Variants in P4HTM observed in about 807,000 individuals in gnomAD.
The protein encoded by P4HTM is prolyl 4-hydroxylase, transmembrane.
A neutral mutation model predicts 55.3 loss-of-function variants in P4HTM; 33 were observed. The observed-to-expected ratio is 0.60, with a 90% CI of 0.45 to 0.80. The LOEUF is 0.80. P4HTM is among the 30% of genes least tolerant of loss of function. The pLI, the probability that P4HTM is intolerant of heterozygous loss-of-function variation, is 0.00. For synonymous variants in P4HTM, 272 were observed against 286.4 expected (o/e 0.95, Z 0.51); for missense variants, 542 against 696.5 (o/e 0.78, Z 2.50).
Position 49,007,118 on chromosome 3 carries a change from C to A in P4HTM, c.*211C>A. 8.7e-6 allele frequency: 6 copies of A among 688,814 alleles called. No homozygotes were observed. Among genetic ancestry groups the A allele is most frequent in the Non-Finnish European group, 1.2e-5 (5 of 418,990 alleles). The allele number at this position is 688,814 out of a possible 1,614,324, so 42.7% of individuals were successfully genotyped here. A position where few individuals can be genotyped will look rare whatever the true frequency, so the allele number is the denominator to read the frequency against. ...AAATAAAAAACCACAAGGTTCGAGC[C>A]GCCGGGCCCGACAAACTCCGGGTCG... On this transcript the variant is annotated 3_prime_UTR_variant, in exon 9 of 9. Transcript: ENST00000383729. This position sits in a 1 kb window ranked among gnomAD's most constrained non-coding sequence, Gnocchi z 5.1.
chr3:49,004,192 G>T lies in P4HTM; in HGVS notation c.819G>T (p.Arg273=), dbSNP rs1559891570. 4 of 1,549,734 alleles carry T rather than the reference G, an allele frequency of 2.6e-6. No individual in the cohort carries two copies. Among genetic ancestry groups the T allele is most frequent in the Non-Finnish European group, 3.5e-6 (4 of 1,146,918 alleles). The change falls in exon 5 of 9, where the codon CGG becomes CGT. Residue 273 remains arginine, a synonymous_variant. Coordinates refer to ENST00000383729, the MANE Select transcript of P4HTM (RefSeq NM_177939.3). ...AGGCAGAGTCCAGTGAGCTGGTGCG[G>T]AACAGCCACCATACCTGGCTCTACC... ...SHKAESSELV[R]NSHHTWLYQG...
chr3:49,005,117 T>C (rs779120605), intron 6 of P4HTM, 71 bp downstream of exon 6: 10 of 1,613,104 alleles, frequency 6.2e-6, no homozygotes, highest in Non-Finnish European at 7.6e-6. Flanking sequence ...GGCACAGCCC[T>C]GCACTGTGGG....
rs1381649486 is a variant in P4HTM at position 49,006,751 on chromosome 3, G to A, written c.1353G>A (p.Lys451=). The change falls in exon 9 of 9, where the codon AAG becomes AAA. Residue 451 remains lysine (K), a synonymous_variant. Coordinates refer to ENST00000383729, the MANE Select transcript of P4HTM (RefSeq NM_177939.3). ...HGGCLVTRGT[K]WIANNWINVD... ...GCTGCCTGGTCACGCGCGGCACCAA[G>A]TGGATTGCCAACAACTGGATTAATG... 1 of 1,613,768 alleles carries A rather than the reference G, an allele frequency of 6.2e-7. No homozygotes were observed. The highest frequency in any genetic ancestry group is 1.1e-5 in the South Asian group (1 of 91,088).
chr3:49,001,860 C>T (rs1476169553), intron 3 of P4HTM, among the ~76,000 whole-genome samples: 1 of 152,242 alleles, frequency 6.6e-6, no homozygotes, highest in Non-Finnish European at 1.5e-5. Context: ...GCATTTATCA[C>T]CATAGTTTTG....
At position 49,007,127 on chromosome 3, in the gene P4HTM, C is replaced by T. The variant is rs1043965630; in HGVS notation, c.*220C>T. 7.2e-6 allele frequency: 5 copies of T among 698,418 alleles called. No individual in the cohort carries two copies. The highest frequency in any genetic ancestry group is 1.2e-5 in the Non-Finnish European group (5 of 427,824). 43.3% of individuals were successfully genotyped at this position (698,418 alleles called of 1,614,324 possible). A position where few individuals can be genotyped will look rare whatever the true frequency, so the allele number is the denominator to read the frequency against. On this transcript the variant is annotated 3_prime_UTR_variant, in exon 9 of 9. Transcript: ENST00000383729. The surrounding 1 kb of genome is among the most constrained non-coding windows in gnomAD (Gnocchi z 5.1). ...ACCACAAGGTTCGAGCCGCCGGGCC[C>T]GACAAACTCCGGGTCGGCGAAACAG...
At chr3:49,006,026 G>A (rs138246626) in intron 7 of P4HTM, 38 bp from the exon 8 acceptor site, 4 of 1,594,232 alleles carry the variant, frequency 2.5e-6, no homozygotes, top group Non-Finnish European at 3.4e-6. Flanking sequence ...CCATAGAGTG[G>A]GGACAGGTTG....
intron 2 of P4HTM, among the ~76,000 whole-genome samples, chr3:48,994,567 T>C (rs532485958): frequency 6.6e-6 from 1 of 152,298 alleles, no homozygotes; most frequent in South Asian, 2.1e-4. Flanking sequence ...CTTCCATGAC[T>C]GGTAGGTCAT....
chr3:49,004,168 G>A lies in P4HTM; in HGVS notation c.795G>A (p.Lys265=). Residue 265 remains lysine, a synonymous_variant, in exon 5 of 9, where the codon AAG becomes AAA. Coordinates refer to ENST00000383729, the MANE Select transcript of P4HTM (RefSeq NM_177939.3). ...TCCACAAGTACATGAGGAGCCACAA[G>A]GCAGAGTCCAGTGAGCTGGTGCGGA... is the stretch of plus-strand genomic sequence containing the variant. ...RDFHKYMRSH[K]AESSELVRNS... is the part of the protein sequence containing the mutation. 1.3e-6 allele frequency: 2 copies of A among 1,551,160 alleles called. No homozygotes were observed. The highest frequency in any genetic ancestry group is 1.7e-6 in the Non-Finnish European group (2 of 1,147,510).
Position 49,002,274 on chromosome 3 carries a change from C to T in P4HTM, c.628-226C>T, listed in dbSNP as rs2092963164. On this transcript the variant is annotated intron_variant, in intron 3 of 8. Transcript: ENST00000383729. This position sits in a 1 kb window ranked among gnomAD's most constrained non-coding sequence, Gnocchi z 4.4. ...TCCATGAAGGCCACGGGGCCTTAGT[C>T]CGGGAATGCAAATGGCCTACGCCTC... 6.6e-6 allele frequency among the ~76,000 whole-genome samples: 1 copy of T among 152,270 alleles called. No homozygotes were observed. The highest frequency in any genetic ancestry group is 6.5e-5 in the Admixed American group (1 of 15,294).
Position 49,007,030 on chromosome 3 carries a change from C to G in P4HTM, c.*123C>G. On this transcript the variant is annotated 3_prime_UTR_variant, in exon 9 of 9. Coordinates refer to ENST00000383729, the MANE Select transcript of P4HTM (RefSeq NM_177939.3). This position sits in a 1 kb window ranked among gnomAD's most constrained non-coding sequence, Gnocchi z 5.1. The stretch of plus-strand genomic sequence containing the variant: ...CAATGTCTTGCCCCACCCCGCCAGC[C>G]GCGATACGGCGCAGTTCCTATATTC... 2.6e-6 allele frequency: 2 copies of G among 776,798 alleles called. No homozygotes were observed. The highest frequency in any genetic ancestry group is 2.1e-6 in the Non-Finnish European group (1 of 481,718). The allele number at this position is 776,798 out of a possible 1,614,324, so 48.1% of individuals were successfully genotyped here.
At chr3:48,994,802 TTTTG>T (rs942579840) in intron 2 of P4HTM, among the ~76,000 whole-genome samples, 5 of 152,154 alleles carry the variant, frequency 3.3e-5, no homozygotes, top group Admixed American at 2.6e-4. Flanking sequence ...TTTTGTTTTG[TTTTG>T]TTTTTGTTTT....
At position 49,005,060 on chromosome 3, in the gene P4HTM, A is replaced by G. The variant is rs1451137470; in HGVS notation, c.1073+14A>G. On this transcript the variant is annotated intron_variant, in intron 6 of 8. Transcript: ENST00000383729. ...GACCTCCTGCCGGCAAGTATCTCCCAACTGGGGGCTGCCTTCAATCCTCAG... is the reference window on the plus strand; with the variant it reads ...GACCTCCTGCCGGCAAGTATCTCCCGACTGGGGGCTGCCTTCAATCCTCAG... The G allele has an allele frequency of 6.2e-7, 1 of 1,613,978 alleles. No individual in the cohort carries two copies. The highest frequency in any genetic ancestry group is 8.5e-7 in the Non-Finnish European group (1 of 1,180,032).
rs376875133 is a variant in P4HTM at position 49,006,210 on chromosome 3, G to T, written c.1288+23G>T. On this transcript the variant is annotated intron_variant, in intron 8 of 8. Transcript: ENST00000383729. ...AAGGTGAGGGCCTATGGCCAGGCCT[G>T]GGGGGGGTGCCCTGAGTACAGCTTC... 727 of 1,550,282 alleles carry T rather than the reference G, an allele frequency of 4.7e-4. 5 individuals carry two copies. In the African/African-American group the frequency reaches 7.6e-3, roughly 16 times the overall value.
intron 2 of P4HTM, among the ~76,000 whole-genome samples, chr3:48,993,816 C>T (rs982778311): frequency 7.3e-6 from 1 of 137,354 alleles, no homozygotes; most frequent in Non-Finnish European, 1.5e-5. Context: ...GAGCCAAGAT[C>T]GTGCCACTGT....
chr3:48,995,584 A>AT (rs1197820691), intron 2 of P4HTM, among the ~76,000 whole-genome samples: 27 of 147,142 alleles, frequency 1.8e-4, no homozygotes, highest in South Asian at 1.1e-3. Flanking sequence ...TCTCCTGCTG[A>AT]TTTTTTTTTT....
In P4HTM at chr3:48,990,371, G is replaced by A. The variant is rs778787279; in HGVS notation, c.115G>A (p.Gly39Ser). The A allele has an allele frequency of 1.9e-6, 3 of 1,581,536 alleles. No homozygotes were observed. The East Asian group carries it at 6.9e-5, about 36-fold the overall frequency. The stretch of plus-strand genomic sequence containing the variant: ...CCAGGCTCAGGCGGCGGCCGGGCTG[G>A]GCGACGGCGAGGACGCACCGGTGCG... Reference protein sequence around the residue: ...HCQAQAAAGLGDGEDAPVRPL... With the variant: ...HCQAQAAAGLSDGEDAPVRPL... The change falls in exon 1 of 9, where the codon GGC becomes AGC. Residue 39 changes from glycine (G) to serine (S), a missense_variant. Around this residue, in one of 2 missense-constraint regions of P4HTM, gnomAD observed 536 missense variants for 672.1 expected, o/e 0.80. Coordinates refer to ENST00000383729, the MANE Select transcript of P4HTM (RefSeq NM_177939.3). This position sits in a 1 kb window ranked among gnomAD's most constrained non-coding sequence, Gnocchi z 7.2.
At chr3:49,004,794 C>G in intron 5 of P4HTM, 67 bp from the exon 6 acceptor site, 1 of 1,533,154 alleles carries the variant, frequency 6.5e-7, no homozygotes, top group South Asian at 1.2e-5. Flanking sequence ...TAGGGTCCAC[C>G]TTGGCCAGCT....
Position 49,004,950 on chromosome 3 carries a change from A to C in P4HTM, c.977A>C (p.His326Pro). Residue 326 changes from histidine to proline, a missense_variant, in exon 6 of 9, where the codon CAT becomes CCT. His to Pro is a moderately conservative substitution (Grantham distance 77). Transcript: ENST00000383729. ...VVRYGEGGHYHAHVDSGPVYP... is the reference protein window; with the variant it reads ...VVRYGEGGHYPAHVDSGPVYP... ...CGATATGGTGAGGGGGGCCACTACC[A>C]TGCCCACGTGGACAGTGGGCCTGTG... The C allele has an allele frequency of 6.2e-7, 1 of 1,613,984 alleles. No individual in the cohort carries two copies.
chr3:49,006,226 G>T, intron 8 of P4HTM, 39 bp downstream of exon 8: 4 of 1,589,706 alleles, frequency 2.5e-6, no homozygotes, highest in Non-Finnish European at 3.4e-6. Flanking sequence ...GGTGCCCTGA[G>T]TACAGCTTCC....
Sources: gnomAD v4.1 joint callset for allele counts (sites outside exome capture counted in the v4.1 genomes callset) on GRCh38, gnomAD v4.1.1 for gene constraint, gnomAD v4.1.1 regional missense constraint, Gnocchi (gnomAD v3.1) non-coding constraint, MANE v1.5 for transcripts, NCBI Gene and HGNC (gene_info 2026-07-23, HGNC 2026-07-21) for gene names.